Variants in PIP5K1B observed in about 807,000 individuals in gnomAD.
PIP5K1B encodes phosphatidylinositol-4-phosphate 5-kinase type 1 beta.
A neutral mutation model predicts 67.0 loss-of-function variants in PIP5K1B; 42 were observed. The observed-to-expected ratio is 0.63, with a 90% CI of 0.49 to 0.81. The LOEUF (loss-of-function observed/expected upper bound fraction) is 0.81, where lower values mean the gene tolerates loss of function less well. Among genes scored for constraint, PIP5K1B ranks in the 30% least tolerant of loss-of-function variants. The probability of loss-of-function intolerance (pLI) is 0.00; values close to 1 mark genes in which losing one functional copy is unlikely to be tolerated. For synonymous variants in PIP5K1B, 214 were observed against 231.4 expected (o/e 0.92, Z 0.68); for missense variants, 459 against 646.3 (o/e 0.71, Z 3.14).
intron 14 of PIP5K1B, among the ~76,000 whole-genome samples, chr9:68,990,104 C>T (rs1361571525): frequency 6.6e-6 from 1 of 152,224 alleles, no homozygotes; most frequent in Non-Finnish European, 1.5e-5. Flanking sequence ...ACCTGCATTC[C>T]TTTGGCTTTT....
chr9:68,950,262 C>G (rs932108853), intron 14 of PIP5K1B, among the ~76,000 whole-genome samples: 3 of 152,174 alleles, frequency 2.0e-5, no homozygotes, highest in South Asian at 2.1e-4. Context: ...ACTGACTCCC[C>G]CTCTTTGCTT....
At position 68,963,372 on chromosome 9, in the gene PIP5K1B, G is replaced by A. The variant is rs145449633; in HGVS notation, c.1502+22582G>A. ...ACAAACATTAGCTGGGCGTGGTGGT[G>A]CATGCCTGTAACCCCAGCTACTCGA... On this transcript the variant is annotated intron_variant, in intron 14 of 15. Coordinates refer to ENST00000265382, the MANE Select transcript of PIP5K1B (RefSeq NM_003558.4). 8.8e-4 allele frequency: 309 copies of A among 350,146 alleles called. 1 individual carries two copies. Among genetic ancestry groups the A allele is most frequent in the African/African-American group, 6.1e-3 (285 of 46,868 alleles). The allele number at this position is 350,146 out of a possible 1,614,324, so 21.7% of individuals were successfully genotyped here.
intron 8 of PIP5K1B, among the ~76,000 whole-genome samples, chr9:68,908,454 G>C (rs1449907599): frequency 6.7e-6 from 1 of 149,316 alleles, no homozygotes; most frequent in Non-Finnish European, 1.5e-5. Flanking sequence ...AAAAAGCCTT[G>C]GTACAGGTTA....
intron 4 of PIP5K1B, among the ~76,000 whole-genome samples, chr9:68,862,000 A>G (rs1352643751): frequency 6.6e-6 from 1 of 152,160 alleles, no homozygotes; most frequent in African/African-American, 2.4e-5. Context: ...GGCATGTGAA[A>G]AAAGAAAAAC....
chr9:68,803,413 A>G (rs1832709328), intron 2 of PIP5K1B, among the ~76,000 whole-genome samples: 1 of 152,240 alleles, frequency 6.6e-6, no homozygotes, highest in Admixed American at 6.5e-5. Context: ...TCGGAAGACC[A>G]TGAGGAACAG....
intron 2 of PIP5K1B, among the ~76,000 whole-genome samples, chr9:68,814,780 A>AG: frequency 6.6e-6 from 1 of 152,256 alleles, no homozygotes; most frequent in African/African-American, 2.4e-5. Flanking sequence ...AGATCATGCC[A>AG]CTTCACTCCA....
At chr9:68,970,882 T>A (rs1398618607) in intron 14 of PIP5K1B, among the ~76,000 whole-genome samples, 1 of 152,212 alleles carries the variant, frequency 6.6e-6, no homozygotes, top group Non-Finnish European at 1.5e-5. Context: ...CTCCTAATGT[T>A]TTCCTCTTGC....
chr9:68,742,136 G>C (rs555715359), intron 1 of PIP5K1B: 96 of 152,252 alleles, frequency 6.3e-4, no homozygotes, highest in African/African-American at 2.2e-3. Context: ...ACATCAGAGA[G>C]CCTATATTAA....
intron 15 of PIP5K1B, among the ~76,000 whole-genome samples, chr9:68,991,821 T>C (rs1830377528): frequency 6.6e-6 from 1 of 152,240 alleles, no homozygotes; most frequent in Admixed American, 6.5e-5. Flanking sequence ...GACCCTTTAG[T>C]GCCTGTCAAA....
chr9:68,714,719 A>T (rs1168299913), intron 1 of PIP5K1B, among the ~76,000 whole-genome samples: 5 of 152,140 alleles, frequency 3.3e-5, no homozygotes, highest in African/African-American at 1.2e-4. Context: ...TTCTACCCTG[A>T]TGTTTTTGCT....
intron 14 of PIP5K1B, among the ~76,000 whole-genome samples, chr9:68,946,686 G>T (rs888924816): frequency 1.3e-5 from 2 of 152,046 alleles, no homozygotes; most frequent in Non-Finnish European, 2.9e-5. Context: ...GAGCCACCAC[G>T]CCCAGCCTGT....
chr9:68,835,671 A>C (rs1358804549), intron 4 of PIP5K1B, among the ~76,000 whole-genome samples: 8 of 152,172 alleles, frequency 5.3e-5, no homozygotes, highest in Non-Finnish European at 1.0e-4. Context: ...TTTCAAACCC[A>C]TTCCAATTGC....
intron 9 of PIP5K1B, among the ~76,000 whole-genome samples, chr9:68,918,075 G>A (rs907750796): frequency 1.4e-5 from 2 of 147,566 alleles, no homozygotes; most frequent in Non-Finnish European, 3.0e-5. Flanking sequence ...GAATAAACAT[G>A]TTTTATTGTT....
chr9:68,876,043 A>G (rs1289021039), intron 5 of PIP5K1B, among the ~76,000 whole-genome samples: 2 of 152,330 alleles, frequency 1.3e-5, no homozygotes, highest in Admixed American at 6.5e-5. Context: ...TTCTTTGTAC[A>G]TTTTATATAT....
chr9:68,920,582 G>A (rs1235190477), intron 11 of PIP5K1B, among the ~76,000 whole-genome samples: 1 of 151,794 alleles, frequency 6.6e-6, no homozygotes, highest in Non-Finnish European at 1.5e-5. Flanking sequence ...TGGCCAGGCT[G>A]GTCTCGAACT....
At chr9:68,942,148 T>C (rs1462412545) in intron 14 of PIP5K1B, among the ~76,000 whole-genome samples, 1 of 152,252 alleles carries the variant, frequency 6.6e-6, no homozygotes, top group East Asian at 1.9e-4. Flanking sequence ...TTAGTAGTAA[T>C]GTCAAATGTT....
In PIP5K1B at chr9:68,706,699, T is replaced by A. The variant is rs564659958; in HGVS notation, c.-243+937T>A. Among the ~76,000 whole-genome samples the A allele has an allele frequency of 1.1e-4, 16 of 152,288 alleles. No individual in the cohort carries two copies. In the South Asian group the frequency reaches 3.3e-3, roughly 32 times the overall value. ...TGACATTCTCAGATGCAGGAGGCCC[T>A]AGCTTTAAGGGGAATGATCCTTAAG... On this transcript the variant is annotated intron_variant, in intron 1 of 15. Coordinates refer to ENST00000265382, the MANE Select transcript of PIP5K1B (RefSeq NM_003558.4).
At chr9:68,959,091 T>C (rs538937045) in intron 14 of PIP5K1B, among the ~76,000 whole-genome samples, 5 of 152,288 alleles carry the variant, frequency 3.3e-5, no homozygotes, top group African/African-American at 7.2e-5. Flanking sequence ...GTGAACCAAG[T>C]TCCAGTCTAT....
chr9:68,802,339 T>C (rs1266246007), intron 2 of PIP5K1B, among the ~76,000 whole-genome samples: 3 of 152,210 alleles, frequency 2.0e-5, no homozygotes, highest in African/African-American at 4.8e-5. Flanking sequence ...GAACTCAAGG[T>C]AGCTTATCTA....
Sources: allele counts gnomAD v4.1 joint callset (sites outside exome capture counted in the v4.1 genomes callset), GRCh38; gene constraint gnomAD v4.1.1; transcripts MANE v1.5; gene names NCBI Gene and HGNC (gene_info 2026-07-23, HGNC 2026-07-21).